CTBP2: variants seen among roughly 807,000 people sequenced by gnomAD.
CTBP2 encodes the protein C-terminal binding protein 2.
CTBP2 carries 30 observed loss-of-function variants against 80.3 expected under a neutral mutation model. The observed-to-expected ratio is 0.37, with a 90% CI of 0.28 to 0.51. The LOEUF is 0.51. Among genes scored for constraint, CTBP2 ranks in the 20% least tolerant of loss-of-function variants. The pLI, the probability that CTBP2 is intolerant of heterozygous loss-of-function variation, is 0.93. For missense variants in CTBP2, 1,212 were observed against 1,375.3 expected, an observed-to-expected ratio of 0.88 and a Z score of 1.88; for synonymous variants, 594 against 587.4, an observed-to-expected ratio of 1.01 and a Z score of -0.16.
At chr10:125,149,853 A>G (rs1859506314) in intron 1 of CTBP2, among the ~76,000 whole-genome samples, 1 of 152,084 alleles carries the variant, frequency 6.6e-6, no homozygotes, top group South Asian at 2.1e-4. Flanking sequence ...GACACACCCA[A>G]CTCTGTGCCA....
Position 125,026,775 on chromosome 10 carries a change from T to C in CTBP2, c.985A>G (p.Ile329Val), listed in dbSNP as rs1957641328. 2 of 1,613,072 alleles carry C rather than the reference T, an allele frequency of 1.2e-6. No individual in the cohort carries two copies. Among genetic ancestry groups the C allele is most frequent in the East Asian group, 4.5e-5 (2 of 44,880 alleles). The change falls in exon 1 of 9, where the codon ATC becomes GTC. Residue 329 changes from isoleucine (I) to valine (V), a missense_variant. Physicochemically the swap from Ile to Val is conservative, Grantham distance 29. This residue lies in a region of CTBP2 where 848 missense variants were observed against 782.3 expected (regional missense o/e 1.08). Coordinates refer to ENST00000309035, the MANE Select transcript of CTBP2 (RefSeq NM_022802.3). ...CCCAGGTTGGGTGCGACAGACTTGA[T>C]ATCCGCGTCCTCCAGGGTAGCCAGG... is the stretch of plus-strand genomic sequence containing the variant.
Position 125,064,225 on chromosome 10 carries a change from A to ATT in CTBP2, c.-101-25072_-101-25071dup, listed in dbSNP as rs561329199. On this transcript the variant is annotated intron_variant, in intron 2 of 10. Coordinates refer to the CTBP2 transcript ENST00000337195. ...GCCTGGGAGCCGGGACATCCCTATCATTTTATGGGCTATTTCTGTTTTCTT... is the reference window on the plus strand; with the variant it reads ...GCCTGGGAGCCGGGACATCCCTATCATTTTTTATGGGCTATTTCTGTTTTCTT... Among the ~76,000 whole-genome samples, 4 of 152,228 alleles carry ATT rather than the reference A, an allele frequency of 2.6e-5. No individual in the cohort carries two copies. The South Asian group carries it at 8.3e-4, about 32-fold the overall frequency.
chr10:124,991,133 A>ACACAC (rs1952553539), intron 8 of CTBP2, among the ~76,000 whole-genome samples: 1 of 152,218 alleles, frequency 6.6e-6, no homozygotes, highest in East Asian at 1.9e-4. Context: ...CTGTGTGAGG[A>ACACAC]CACACTGCAT....
chr10:125,134,382 G>A (rs970508444), intron 1 of CTBP2, among the ~76,000 whole-genome samples: 5 of 152,134 alleles, frequency 3.3e-5, no homozygotes, highest in South Asian at 4.1e-4. Flanking sequence ...AGGAGGAAGC[G>A]GGGAGAAAGG....
In CTBP2 at chr10:124,984,742, A is replaced by G; in HGVS notation, c.*4776T>C. ...TACCAAGTCTCTGATCTGTTGTATG[A>G]TTTTCCCTTTGTCTTCATATTCCTC... On this transcript the variant is annotated 3_prime_UTR_variant, in exon 9 of 9. Transcript: ENST00000309035. 1.2e-6 allele frequency: 2 copies of G among 1,603,420 alleles called. No individual in the cohort carries two copies. The highest frequency in any genetic ancestry group is 1.7e-6 in the Non-Finnish European group (2 of 1,173,470).
At position 124,992,679 on chromosome 10, in the gene CTBP2, C is replaced by T; in HGVS notation, c.2777+16G>A. 2 of 1,582,088 alleles carry T rather than the reference C, an allele frequency of 1.3e-6. No homozygotes were observed. The highest frequency in any genetic ancestry group is 1.7e-6 in the Non-Finnish European group (2 of 1,159,588). Reference sequence around the variant, plus strand: ...TGGTGCTCACAAGCTGAGACAAAGTCAGTTCCTTTTCTCACCTGTATGTGG... The same window carrying T: ...TGGTGCTCACAAGCTGAGACAAAGTTAGTTCCTTTTCTCACCTGTATGTGG... On this transcript the variant is annotated intron_variant, in intron 8 of 8. Coordinates refer to ENST00000309035, the MANE Select transcript of CTBP2 (RefSeq NM_022802.3).
At chr10:125,115,145 G>C (rs1036814586) in intron 1 of CTBP2, among the ~76,000 whole-genome samples, 24 of 151,434 alleles carry the variant, frequency 1.6e-4, no homozygotes, top group African/African-American at 4.4e-4. Flanking sequence ...ACCAGCCAGA[G>C]AGCAGAACTT....
upstream of CTBP2, chr10:125,161,069 G>GGC (rs1861849312): frequency 2.7e-5 from 2 of 74,818 alleles, no homozygotes; most frequent in South Asian, 5.9e-4. Context: ...CCTGTTTTTG[G>GGC]GGGGGGGGGG....
rs919118744 is a variant in CTBP2 at position 124,987,258 on chromosome 10, C to T, written c.*2260G>A. On this transcript the variant is annotated 3_prime_UTR_variant, in exon 9 of 9. Transcript: ENST00000309035. The stretch of plus-strand genomic sequence containing the variant: ...AGGTGACAGACATTAATGACTGACT[C>T]TGGAGAGTAAGTCATACCTGCACTC... 6.6e-6 allele frequency: 1 copy of T among 152,520 alleles called. No homozygotes were observed. Among genetic ancestry groups the T allele is most frequent in the African/African-American group, 2.4e-5 (1 of 41,402 alleles). 9.4% of individuals were successfully genotyped at this position (152,520 alleles called of 1,614,324 possible). A position where few individuals can be genotyped will look rare whatever the true frequency, so the allele number is the denominator to read the frequency against.
intron 2 of CTBP2, among the ~76,000 whole-genome samples, chr10:125,063,699 G>T (rs1844186746): frequency 6.6e-6 from 1 of 152,206 alleles, no homozygotes; most frequent in Non-Finnish European, 1.5e-5. Context: ...CTGAGTTATT[G>T]CTGTGTTTTC....
chr10:125,006,248 A>C (rs1230053609), intron 1 of CTBP2, among the ~76,000 whole-genome samples: 3 of 150,342 alleles, frequency 2.0e-5, no homozygotes, highest in Non-Finnish European at 4.4e-5. Flanking sequence ...AGGCGGGAAA[A>C]GAGAAAAGCC....
chr10:125,004,878 T>C (rs1955021802), intron 1 of CTBP2, among the ~76,000 whole-genome samples: 1 of 152,180 alleles, frequency 6.6e-6, no homozygotes, highest in South Asian at 2.1e-4. Flanking sequence ...AGCAGGAGCC[T>C]TCCACAAAGG....
intron 2 of CTBP2, among the ~76,000 whole-genome samples, chr10:125,106,919 T>C (rs994156118): frequency 2.6e-5 from 4 of 152,162 alleles, no homozygotes; most frequent in Non-Finnish European, 5.9e-5. Context: ...CCTGGACCCA[T>C]GTAGATGCTA....
At chr10:125,149,539 A>G (rs949731819) in intron 1 of CTBP2, among the ~76,000 whole-genome samples, 1 of 152,150 alleles carries the variant, frequency 6.6e-6, no homozygotes, top group African/African-American at 2.4e-5. Flanking sequence ...GCAGAATCCA[A>G]AGGCCAAGAT....
intron 1 of CTBP2, among the ~76,000 whole-genome samples, chr10:125,153,245 T>C (rs1382370873): frequency 1.3e-5 from 2 of 152,220 alleles, no homozygotes; most frequent in Non-Finnish European, 2.9e-5. Context: ...TTAAGAGCTC[T>C]CTCGGGCCCT....
chr10:125,061,985 G>C (rs1387451619), intron 2 of CTBP2, among the ~76,000 whole-genome samples: 1 of 152,218 alleles, frequency 6.6e-6, no homozygotes, highest in Admixed American at 6.5e-5. Context: ...CACAGCTGGG[G>C]TGGAGGTGGG....
At chr10:124,990,721 GC>G (rs1046559166) in intron 8 of CTBP2, among the ~76,000 whole-genome samples, 4 of 152,348 alleles carry the variant, frequency 2.6e-5, no homozygotes, top group African/African-American at 9.6e-5. Flanking sequence ...AAGAGGTAGA[GC>G]CCTTGGGAAG....
At chr10:125,119,508 T>C (rs1033723780) in intron 1 of CTBP2, among the ~76,000 whole-genome samples, 3 of 152,328 alleles carry the variant, frequency 2.0e-5, no homozygotes, top group South Asian at 2.1e-4. Context: ...TCAACAATTA[T>C]GTATTTACTA....
intron 1 of CTBP2, among the ~76,000 whole-genome samples, chr10:125,125,246 C>T (rs1378919946): frequency 6.6e-6 from 1 of 152,214 alleles, no homozygotes; most frequent in Admixed American, 6.5e-5. Context: ...AACTCATTCT[C>T]ATAAGTCAAT....
Sources: gnomAD v4.1 joint callset for allele counts (sites outside exome capture counted in the v4.1 genomes callset) on GRCh38, gnomAD v4.1.1 for gene constraint, gnomAD v4.1.1 regional missense constraint, MANE v1.5 for transcripts, NCBI Gene and HGNC (gene_info 2026-07-23, HGNC 2026-07-21) for gene names.